Variants in KCNS3 observed in about 807,000 individuals in gnomAD.
The protein encoded by KCNS3 is potassium voltage-gated channel modifier subfamily S member 3, also known as delayed-rectifier potassium channel regulatory subunit KCNS3.
KCNS3 carries 13 observed loss-of-function variants against 31.0 expected under a neutral mutation model. That is an observed-to-expected ratio of 0.42 (90% confidence interval 0.27 to 0.67). KCNS3 has a LOEUF of 0.67. Ranked by LOEUF, KCNS3 falls within the 30% of genes least tolerant of loss-of-function variation. The pLI is 0.25. For missense variants in KCNS3, 545 were observed against 622.4 expected (o/e 0.88, Z 1.32); for synonymous variants, 238 against 241.5 (o/e 0.99, Z 0.13).
At chr2:17,914,264 C>T (rs533111902) in intron 1 of KCNS3, among the ~76,000 whole-genome samples, 25 of 152,178 alleles carry the variant, frequency 1.6e-4, no homozygotes, top group Non-Finnish European at 2.8e-4. Context: ...TTGTGTTGGC[C>T]GCATAGCTCG....
Position 17,909,245 on chromosome 2 carries a change from G to T in KCNS3, c.-251-8435G>T, listed in dbSNP as rs1003364459. The stretch of plus-strand genomic sequence containing the variant: ...AATGAGTGAGGCTCCGTGGGCGTGG[G>T]ACCCTCCAAGCCATGCATGGGATAT... On this transcript the variant is annotated intron_variant, in intron 1 of 2. Transcript: ENST00000304101. 1.3e-4 allele frequency among the ~76,000 whole-genome samples: 20 copies of T among 152,342 alleles called. 1 individual carries two copies. Among genetic ancestry groups the T allele is most frequent in the Admixed American group, 6.5e-4 (10 of 15,306 alleles).
At chr2:17,888,633 A>ATCTATATATATATATC (rs1553341407) in intron 1 of KCNS3, among the ~76,000 whole-genome samples, 1 of 50,468 alleles carries the variant, frequency 2.0e-5, no homozygotes, top group Non-Finnish European at 4.8e-5. Context: ...AAAAATGTAT[A>ATCTATATATATATATC]TATATATATA....
rs1467421143 is a variant in KCNS3 at position 17,893,965 on chromosome 2, T to TTTTAA, written c.-252+15160_-252+15161insTTAAT. ...GTTTTTTTTTTTTTTTTTTTTTTTTTTAATATATCTATGTATGGGGGTTTG... is the reference window on the plus strand; with the variant it reads ...GTTTTTTTTTTTTTTTTTTTTTTTTTTTTAATAATATATCTATGTATGGGGGTTTG... On this transcript the variant is annotated intron_variant, in intron 1 of 2. Coordinates refer to ENST00000304101, the MANE Select transcript of KCNS3 (RefSeq NM_002252.5). 6.2e-4 allele frequency among the ~76,000 whole-genome samples: 83 copies of TTTTAA among 134,730 alleles called. 2 individuals carry two copies. The highest frequency in any genetic ancestry group is 2.1e-3 in the African/African-American group (80 of 37,532). 88.4% of individuals were successfully genotyped at this position (134,730 alleles called of 152,430 possible). A position where few individuals can be genotyped will look rare whatever the true frequency, so the allele number is the denominator to read the frequency against.
intron 2 of KCNS3, among the ~76,000 whole-genome samples, chr2:17,918,274 A>T (rs1183439844): frequency 2.0e-5 from 3 of 151,944 alleles, no homozygotes; most frequent in Non-Finnish European, 4.4e-5. Flanking sequence ...TGGGTAGCTC[A>T]TCAGATGTAC....
At chr2:17,908,937 TTCTCAGA>T (rs1662404558) in intron 1 of KCNS3, among the ~76,000 whole-genome samples, 1 of 152,202 alleles carries the variant, frequency 6.6e-6, no homozygotes, top group Non-Finnish European at 1.5e-5. Flanking sequence ...AGTCTGTCCA[TTCTCAGA>T]TCTCAAACTC....
chr2:17,923,711 T>A (rs1029141333), intron 2 of KCNS3, among the ~76,000 whole-genome samples: 13 of 151,986 alleles, frequency 8.6e-5, no homozygotes, highest in Admixed American at 3.9e-4. Context: ...GCTGTTCCAA[T>A]ACTATTTATC....
chr2:17,930,882 C>T (rs1481064173), intron 2 of KCNS3, 68 bp from the exon 3 acceptor site: 1 of 1,017,712 alleles, frequency 9.8e-7, no homozygotes, highest in Non-Finnish European at 1.4e-6. Context: ...CTGGAAAGGG[C>T]AGATTAAAAA....
chr2:17,913,160 T>C (rs1440557583), intron 1 of KCNS3, among the ~76,000 whole-genome samples: 4 of 152,236 alleles, frequency 2.6e-5, no homozygotes, highest in African/African-American at 9.6e-5. Context: ...GTGACAGTTT[T>C]CAATAGTTAA....
At chr2:17,901,326 G>A (rs1051522784) in intron 1 of KCNS3, among the ~76,000 whole-genome samples, 1 of 142,166 alleles carries the variant, frequency 7.0e-6, no homozygotes, top group Non-Finnish European at 1.6e-5. Context: ...GATGCAGGAG[G>A]GATAGAAAAA....
rs754062428 is a variant in KCNS3 at position 17,931,074 on chromosome 2, G to A, written c.66G>A (p.Gly22=). The change falls in exon 3 of 3, where the codon GGG becomes GGA. Residue 22 remains glycine, a synonymous_variant. Transcript: ENST00000304101. The surrounding 1 kb of genome is among the most constrained non-coding windows in gnomAD (Gnocchi z 5.4). ...QDEELVNLNV[G]GFKQSVDQST... ...AGGAACTTGTCAACCTGAATGTGGG[G>A]GGCTTTAAGCAGTCTGTTGACCAAA... is the stretch of plus-strand genomic sequence containing the variant. 1.2e-6 allele frequency: 2 copies of A among 1,614,068 alleles called. No individual in the cohort carries two copies. Among genetic ancestry groups the A allele is most frequent in the Admixed American group, 1.7e-5 (1 of 60,004 alleles).
chr2:17,907,080 G>T (rs1010842387), intron 1 of KCNS3, among the ~76,000 whole-genome samples: 94 of 152,210 alleles, frequency 6.2e-4, no homozygotes, highest in African/African-American at 1.9e-3. Flanking sequence ...CCCATTATTA[G>T]TGTGTGGGAG....
chr2:17,888,629 G>GTATATCTATATCTATCTA (rs35102585), intron 1 of KCNS3, among the ~76,000 whole-genome samples: 21 of 92,366 alleles, frequency 2.3e-4, no homozygotes, highest in East Asian at 2.2e-3. Flanking sequence ...TAAAAAAAAT[G>GTATATCTATATCTATCTA]TATATATATA....
chr2:17,928,578 G>A lies in KCNS3; in HGVS notation c.-59-2372G>A, dbSNP rs565896369. 1.6e-4 allele frequency among the ~76,000 whole-genome samples: 25 copies of A among 151,890 alleles called. No homozygotes were observed. The South Asian group carries it at 4.2e-3, about 25-fold the overall frequency. The stretch of plus-strand genomic sequence containing the variant: ...GCCTAGTTGAAGATTTGTCAATTTC[G>A]TTGATTGTTTTAAATGACCAATGGC... On this transcript the variant is annotated intron_variant, in intron 2 of 2. Coordinates refer to ENST00000304101, the MANE Select transcript of KCNS3 (RefSeq NM_002252.5).
At chr2:17,909,550 C>T (rs1427161226) in intron 1 of KCNS3, among the ~76,000 whole-genome samples, 1 of 152,192 alleles carries the variant, frequency 6.6e-6, no homozygotes, top group Non-Finnish European at 1.5e-5. Context: ...CTGCGTTGCT[C>T]ATGCTGGGAG....
chr2:17,901,270 G>A (rs989397758), intron 1 of KCNS3, among the ~76,000 whole-genome samples: 1 of 152,136 alleles, frequency 6.6e-6, no homozygotes, highest in African/African-American at 2.4e-5. Flanking sequence ...TTAGGTGTCT[G>A]TTGTGGTGAA....
intron 1 of KCNS3, among the ~76,000 whole-genome samples, chr2:17,884,280 T>A (rs1266226938): frequency 8.5e-6 from 1 of 118,320 alleles, no homozygotes; most frequent in Non-Finnish European, 1.7e-5. Context: ...TATATATATA[T>A]ATATATATAT....
chr2:17,921,690 G>A (rs1440493497), intron 2 of KCNS3, among the ~76,000 whole-genome samples: 1 of 151,616 alleles, frequency 6.6e-6, no homozygotes, highest in Non-Finnish European at 1.5e-5. Flanking sequence ...AGAGAGTGAA[G>A]TGGGAGATGC....
intron 2 of KCNS3, among the ~76,000 whole-genome samples, chr2:17,929,961 G>A (rs1296331526): frequency 6.6e-6 from 1 of 152,200 alleles, no homozygotes; most frequent in Non-Finnish European, 1.5e-5. Flanking sequence ...TGGGGACTCA[G>A]TATATGACAG....
At chr2:17,888,629 G>GTATATCTATCTATATA (rs35102585) in intron 1 of KCNS3, among the ~76,000 whole-genome samples, 1 of 92,368 alleles carries the variant, frequency 1.1e-5, no homozygotes, top group African/African-American at 4.5e-5. Context: ...TAAAAAAAAT[G>GTATATCTATCTATATA]TATATATATA....
Sources: gnomAD v4.1 joint callset for allele counts (sites outside exome capture counted in the v4.1 genomes callset) on GRCh38, gnomAD v4.1.1 for gene constraint, Gnocchi (gnomAD v3.1) non-coding constraint, MANE v1.5 for transcripts, NCBI Gene and HGNC (gene_info 2026-07-23, HGNC 2026-07-21) for gene names.